The following CLVS1 variants were observed in gnomAD, a reference collection of about 807,000 sequenced individuals.
CLVS1 encodes clavesin-1.
In CLVS1, 10 loss-of-function variants were observed where a neutral mutation model predicts 33.1. The observed-to-expected ratio is 0.30, with a 90% CI of 0.19 to 0.51. CLVS1 has a LOEUF of 0.51. Among genes scored for constraint, CLVS1 ranks in the 20% least tolerant of loss-of-function variants. The pLI is 0.97. For synonymous variants in CLVS1, 163 were observed against 166.1 expected (o/e 0.98, Z 0.14); for missense variants, 343 against 433.4 (o/e 0.79, Z 1.85).
chr8:60,975,693 G>A, the CLVS1 span, among the ~76,000 whole-genome samples: 1 of 152,168 alleles, frequency 6.6e-6, no homozygotes, highest in East Asian at 1.9e-4. Context: ...TGCCAAGTTC[G>A]TGTTAATTTT....
At chr8:61,440,905 A>G (rs1784159582) in intron 3 of CLVS1, among the ~76,000 whole-genome samples, 1 of 152,158 alleles carries the variant, frequency 6.6e-6, no homozygotes, top group South Asian at 2.1e-4. Flanking sequence ...TTTCTTTTCT[A>G]ATGAGTGCAT....
intron 2 of CLVS1, among the ~76,000 whole-genome samples, chr8:61,227,375 A>G (rs1230235736): frequency 1.3e-5 from 2 of 151,476 alleles, no homozygotes; most frequent in Non-Finnish European, 2.9e-5. Flanking sequence ...CTGGGAAGCT[A>G]TATAATCACA....
At chr8:61,250,514 GC>G (rs1432051330) in intron 2 of CLVS1, among the ~76,000 whole-genome samples, 1 of 152,142 alleles carries the variant, frequency 6.6e-6, no homozygotes, top group Non-Finnish European at 1.5e-5. Context: ...GGGCAGTATG[GC>G]CATTTTCATG....
intron 2 of CLVS1, among the ~76,000 whole-genome samples, chr8:61,325,933 C>G (rs754893229): frequency 2.6e-5 from 4 of 152,128 alleles, no homozygotes; most frequent in Non-Finnish European, 5.9e-5. Flanking sequence ...ATAATGCTTT[C>G]CACTTTCTGC....
intron 5 of CLVS1, among the ~76,000 whole-genome samples, chr8:61,460,277 T>G (rs149983610): frequency 6.6e-6 from 1 of 152,214 alleles, no homozygotes; most frequent in African/African-American, 2.4e-5. Context: ...AGTTCATATA[T>G]GTGTGTATAC....
chr8:61,121,437 CTG>C (rs1805869437), intron 1 of CLVS1, among the ~76,000 whole-genome samples: 1 of 152,060 alleles, frequency 6.6e-6, no homozygotes. Flanking sequence ...TGGATTTACT[CTG>C]TGTGTGTGTT....
the CLVS1 span, among the ~76,000 whole-genome samples, chr8:60,968,921 AAAAG>A: frequency 2.2e-3 from 333 of 152,128 alleles, 1 homozygote; most frequent in African/African-American, 7.7e-3. Flanking sequence ...AAAAAAAAAT[AAAAG>A]AAAAAGAAAA....
At chr8:61,426,840 T>C (rs1282408585) in intron 3 of CLVS1, among the ~76,000 whole-genome samples, 2 of 152,188 alleles carry the variant, frequency 1.3e-5, no homozygotes, top group African/African-American at 2.4e-5. Context: ...GAGCTCCTCA[T>C]GGGCAGGATA....
chr8:60,987,332 C>T, the CLVS1 span, among the ~76,000 whole-genome samples: 1 of 152,186 alleles, frequency 6.6e-6, no homozygotes, highest in Admixed American at 6.5e-5. Flanking sequence ...AAATGGGTTA[C>T]ATTGCAGACA....
intron 2 of CLVS1, chr8:61,202,381 TC>T: frequency 1.3e-6 from 1 of 752,878 alleles, no homozygotes. Context: ...GGACATGAGC[TC>T]CCTGAGGCCC....
chr8:61,441,588 T>G (rs1005446502), intron 3 of CLVS1, among the ~76,000 whole-genome samples: 7 of 152,220 alleles, frequency 4.6e-5, no homozygotes, highest in African/African-American at 1.2e-4. Context: ...TGAGGTATGT[T>G]AGCCTGCAAG....
intron 1 of CLVS1, among the ~76,000 whole-genome samples, chr8:61,124,061 T>A (rs931570248): frequency 5.9e-5 from 9 of 151,940 alleles, no homozygotes; most frequent in African/African-American, 2.2e-4. Flanking sequence ...TTATCTATCT[T>A]AAAAAAAAGA....
upstream of CLVS1, among the ~76,000 whole-genome samples, chr8:61,053,238 A>G (rs1405837949): frequency 6.6e-6 from 1 of 152,122 alleles, no homozygotes; most frequent in African/African-American, 2.4e-5. Context: ...CAGCAAGTAG[A>G]TGGTATTTAA....
chr8:61,313,082 G>C (rs897050182), intron 2 of CLVS1, among the ~76,000 whole-genome samples: 1 of 152,052 alleles, frequency 6.6e-6, no homozygotes, highest in African/African-American at 2.4e-5. Context: ...CCACCTTCGC[G>C]TATACAGTTC....
chr8:61,197,906 A>G (rs996451800), intron 2 of CLVS1, among the ~76,000 whole-genome samples: 2 of 152,116 alleles, frequency 1.3e-5, no homozygotes, highest in Non-Finnish European at 2.9e-5. Context: ...TCCCTCCCCA[A>G]AGTGCACAGA....
At chr8:61,127,588 T>A (rs926672050) in intron 1 of CLVS1, among the ~76,000 whole-genome samples, 5 of 152,220 alleles carry the variant, frequency 3.3e-5, no homozygotes, top group Admixed American at 1.3e-4. Flanking sequence ...TAATTTTATA[T>A]GTACAGTACA....
intron 2 of CLVS1, among the ~76,000 whole-genome samples, chr8:61,258,975 A>T (rs1430071455): frequency 6.6e-6 from 1 of 152,208 alleles, no homozygotes; most frequent in Non-Finnish European, 1.5e-5. Flanking sequence ...TAGATACAAA[A>T]CATTAAAAAG....
chr8:61,491,217 G>A (rs1804070087), intron 5 of CLVS1, among the ~76,000 whole-genome samples: 1 of 152,188 alleles, frequency 6.6e-6, no homozygotes, highest in Admixed American at 6.5e-5. Flanking sequence ...GGTGATTGTA[G>A]TCCAGTCTAG....
intron 2 of CLVS1, among the ~76,000 whole-genome samples, chr8:61,204,817 T>TA (rs938079400): frequency 6.6e-6 from 1 of 152,112 alleles, no homozygotes; most frequent in African/African-American, 2.4e-5. Context: ...CTTTTGCCAC[T>TA]AAAAAATAGG....
Sources: allele counts gnomAD v4.1 joint callset (sites outside exome capture counted in the v4.1 genomes callset), GRCh38; gene constraint gnomAD v4.1.1; transcripts MANE v1.5; gene names NCBI Gene and HGNC (gene_info 2026-07-23, HGNC 2026-07-21).